INTU: variants seen among roughly 807,000 people sequenced by gnomAD.
INTU encodes inturned planar cell polarity protein, also known as protein inturned.
In INTU, 68 loss-of-function variants were observed where a neutral mutation model predicts 100.5. That is an observed-to-expected ratio of 0.68 (90% CI 0.56 to 0.83). INTU has a LOEUF of 0.83. Ranked by LOEUF, INTU falls within the 40% of genes least tolerant of loss-of-function variation. The pLI is 0.00. For synonymous variants in INTU, 357 were observed against 395.7 expected (o/e 0.90, Z 1.16); for missense variants, 1,071 against 1,114.7 (o/e 0.96, Z 0.56).
rs1390745756 is a variant in INTU, at chr4:127,663,537, A to G, written c.925A>G (p.Ile309Val). The change falls in exon 4 of 16, where the codon ATT (isoleucine) becomes GTT (valine). Residue 309 changes from isoleucine to valine, a missense_variant. By Grantham distance (29) the Ile-to-Val change is conservative. Transcript: ENST00000335251. ...QQSGLNTPHI[I>V]MYLTLQLDSE... ...GAGTGGCCTAAACACTCCTCATATC[A>G]TTATGTATCTCACACTACAGCTCGA... 6.2e-7 allele frequency: 1 copy of G among 1,613,452 alleles called. No homozygotes were observed. Among genetic ancestry groups the G allele is most frequent in the Admixed American group, 1.7e-5 (1 of 59,930 alleles).
At position 127,643,860 on chromosome 4, in the gene INTU, T is replaced by A. The variant is rs556010120; in HGVS notation, c.486T>A (p.Asn162Lys). 6.2e-7 allele frequency: 1 copy of A among 1,614,154 alleles called. No homozygotes were observed. The highest frequency in any genetic ancestry group is 1.3e-5 in the African/African-American group (1 of 75,036). The stretch of plus-strand genomic sequence containing the variant: ...TCCAACAGCGATACAAAGATGTGAA[T>A]GTTTATGTAAACCCCAAAAAGCTAA... Reference protein sequence around the residue: ...VIVQQRYKDVNVYVNPKKLTV... With the variant: ...VIVQQRYKDVKVYVNPKKLTV... Residue 162 changes from asparagine to lysine, a missense_variant, in exon 2 of 16, where the codon AAT becomes AAA. By Grantham distance (94) the Asn-to-Lys change is moderately conservative. Coordinates refer to ENST00000335251, the MANE Select transcript of INTU (RefSeq NM_015693.4).
At position 127,633,196 on chromosome 4, in the gene INTU, A is replaced by T. The variant is rs370905905; in HGVS notation, c.146+16A>T. 1.2e-6 allele frequency: 2 copies of T among 1,610,842 alleles called. No individual in the cohort carries two copies. The highest frequency in any genetic ancestry group is 2.2e-5 in the East Asian group (1 of 44,772). On this transcript the variant is annotated intron_variant, in intron 1 of 15. Transcript: ENST00000335251. ...GCGATTATGAGTAAGGTTTTCAAAG[A>T]GGGACAATTAATCCCATCCCATCAA...
chr4:127,715,705 G>A (rs73847048), intron 15 of INTU, among the ~76,000 whole-genome samples: 2,858 of 152,254 alleles, frequency 0.019, 89 homozygotes, highest in African/African-American at 0.064. Flanking sequence ...TCAGTCGAGT[G>A]TTAACTACGT....
rs143180156 is a variant in INTU at position 127,669,663 on chromosome 4, A to T, written c.1091+509A>T. ...GTTCTTACAACAATGATAGAAAAAT[A>T]CAAAATGTTCTTTAGGAGGGCTATT... is the stretch of plus-strand genomic sequence containing the variant. On this transcript the variant is annotated intron_variant, in intron 5 of 15. Coordinates refer to ENST00000335251, the MANE Select transcript of INTU (RefSeq NM_015693.4). Among the ~76,000 whole-genome samples, 412 of 151,972 alleles carry T rather than the reference A, an allele frequency of 2.7e-3. 2 individuals are homozygous for T. The highest frequency in any genetic ancestry group is 6.8e-3 in the Middle Eastern group (2 of 294).
chr4:127,687,503 G>T (rs1729877652), intron 7 of INTU, 175 bp from the exon 8 acceptor site: 1 of 479,098 alleles, frequency 2.1e-6, no homozygotes, highest in South Asian at 3.7e-5. Context: ...GTTTGGACAG[G>T]GTAAATTTCT....
chr4:127,665,037 A>G (rs1728634393), intron 4 of INTU, among the ~76,000 whole-genome samples: 1 of 151,780 alleles, frequency 6.6e-6, no homozygotes, highest in African/African-American at 2.4e-5. Context: ...AAAGTGAAAC[A>G]CTATCTTAAC....
Position 127,721,844 on chromosome 4 carries a change from A to T in INTU, c.*5408A>T, listed in dbSNP as rs1731350757. 6.6e-6 allele frequency: 1 copy of T among 152,154 alleles called. No individual in the cohort carries two copies. Among genetic ancestry groups the T allele is most frequent in the Non-Finnish European group, 1.5e-5 (1 of 68,038 alleles). The allele number at this position is 152,154 out of a possible 1,614,324, so 9.4% of individuals were successfully genotyped here. A position where few individuals can be genotyped will look rare whatever the true frequency, so the allele number is the denominator to read the frequency against. On this transcript the variant is annotated 3_prime_UTR_variant, in exon 16 of 16. Coordinates refer to ENST00000335251, the MANE Select transcript of INTU (RefSeq NM_015693.4). Reference sequence around the variant, plus strand: ...ATTTACGTTCCTCTCCAAACTGGTTATTCTGTTTAACAGCTCCTATAATGT... The same window carrying T: ...ATTTACGTTCCTCTCCAAACTGGTTTTTCTGTTTAACAGCTCCTATAATGT...
Position 127,705,642 on chromosome 4 carries a change from G to A in INTU, c.1618G>A (p.Val540Ile), listed in dbSNP as rs371874656. 43 of 1,613,770 alleles carry A rather than the reference G, an allele frequency of 2.7e-5. No homozygotes were observed. The highest frequency in any genetic ancestry group is 6.7e-5 in the East Asian group (3 of 44,880). Residue 540 changes from valine to isoleucine, a missense_variant, in exon 11 of 16, where the codon GTA (valine) becomes ATA (isoleucine). Coordinates refer to ENST00000335251, the MANE Select transcript of INTU (RefSeq NM_015693.4). ...CAAGGATGATCTTATTGATATTGCC[G>A]TATACTGTCGCCACTATTGCCTGCT... ...LPKDDLIDIA[V>I]YCRHYCLLPL...
At chr4:127,704,585 A>G (rs1408036595) in intron 10 of INTU, among the ~76,000 whole-genome samples, 1 of 151,536 alleles carries the variant, frequency 6.6e-6, no homozygotes, top group South Asian at 2.1e-4. Flanking sequence ...GTGAGCCACC[A>G]TGCCTGACCA....
rs1731297171 is a variant in INTU at position 127,718,230 on chromosome 4, T to C, written c.*1794T>C. The C allele has an allele frequency of 6.6e-6, 1 of 152,230 alleles. No homozygotes were observed. Among genetic ancestry groups the C allele is most frequent in the Non-Finnish European group, 1.5e-5 (1 of 68,034 alleles). 9.4% of individuals were successfully genotyped at this position (152,230 alleles called of 1,614,324 possible). A position where few individuals can be genotyped will look rare whatever the true frequency, so the allele number is the denominator to read the frequency against. ...AGCTAGTTCTCCCAGCACCATTTATTAAATAAGGAATCCTTTCCCCATTGC... is the reference window on the plus strand; with the variant it reads ...AGCTAGTTCTCCCAGCACCATTTATCAAATAAGGAATCCTTTCCCCATTGC... On this transcript the variant is annotated 3_prime_UTR_variant, in exon 16 of 16. Coordinates refer to ENST00000335251, the MANE Select transcript of INTU (RefSeq NM_015693.4).
chr4:127,659,887 C>T (rs1728400279), intron 3 of INTU, among the ~76,000 whole-genome samples: 1 of 152,132 alleles, frequency 6.6e-6, no homozygotes, highest in African/African-American at 2.4e-5. Context: ...AGTGTTTTAA[C>T]TTTTATTATT....
chr4:127,674,578 A>G (rs1345706018), intron 6 of INTU, among the ~76,000 whole-genome samples: 2 of 152,234 alleles, frequency 1.3e-5, no homozygotes, highest in Admixed American at 1.3e-4. Flanking sequence ...ATTAAGGGTC[A>G]GCAGAAGGGT....
intron 6 of INTU, among the ~76,000 whole-genome samples, chr4:127,681,872 T>C (rs1729574197): frequency 1.3e-5 from 2 of 151,836 alleles, no homozygotes; most frequent in Non-Finnish European, 2.9e-5. Context: ...AGGGCTAATA[T>C]CCAGAATCTA....
intron 9 of INTU, among the ~76,000 whole-genome samples, chr4:127,702,180 C>T (rs1335979259): frequency 6.6e-6 from 1 of 151,346 alleles, no homozygotes. Context: ...TATTTTGATT[C>T]CTTAGATACA....
intron 10 of INTU, among the ~76,000 whole-genome samples, chr4:127,704,886 G>A (rs566491368): frequency 5.3e-5 from 8 of 152,028 alleles, no homozygotes; most frequent in African/African-American, 1.7e-4. Context: ...TCAGGAGTTC[G>A]AGATCAGCCT....
intron 14 of INTU, 65 bp from the exon 15 acceptor site, chr4:127,713,871 G>A: frequency 8.3e-7 from 1 of 1,202,930 alleles, no homozygotes; most frequent in Non-Finnish European, 1.2e-6. Flanking sequence ...AGATTACTCT[G>A]TGAAAACATT....
chr4:127,719,545 T>G lies in INTU; in HGVS notation c.*3109T>G, dbSNP rs1384442804. 6.6e-6 allele frequency: 1 copy of G among 152,226 alleles called. No individual in the cohort carries two copies. The highest frequency in any genetic ancestry group is 1.5e-5 in the Non-Finnish European group (1 of 68,040). The allele number at this position is 152,226 out of a possible 1,614,324, so 9.4% of individuals were successfully genotyped here. ...TCCTTTTCATTTGTTTGGAATAGTT[T>G]CAGAAGAAGTGGTATCAGCTTCTTT... On this transcript the variant is annotated 3_prime_UTR_variant, in exon 16 of 16. Coordinates refer to ENST00000335251, the MANE Select transcript of INTU (RefSeq NM_015693.4).
At chr4:127,637,743 G>A (rs1284371853) in intron 1 of INTU, among the ~76,000 whole-genome samples, 1 of 152,146 alleles carries the variant, frequency 6.6e-6, no homozygotes, top group African/African-American at 2.4e-5. Context: ...GTTGATGTAT[G>A]ACTTTTGTCC....
intron 2 of INTU, among the ~76,000 whole-genome samples, chr4:127,650,227 AT>A (rs967104800): frequency 2.1e-4 from 32 of 151,834 alleles, no homozygotes; most frequent in Middle Eastern, 3.4e-3. Context: ...TAATTTTTTA[AT>A]TTTTTTTATT....
Sources: allele counts gnomAD v4.1 joint callset (sites outside exome capture counted in the v4.1 genomes callset), GRCh38; gene constraint gnomAD v4.1.1; transcripts MANE v1.5; gene names NCBI Gene and HGNC (gene_info 2026-07-23, HGNC 2026-07-21).